Variants in LEPR observed in about 807,000 individuals in gnomAD.
The protein encoded by LEPR is OB receptor.
LEPR carries 56 observed loss-of-function variants against 114.7 expected under a neutral mutation model. That is an observed-to-expected ratio of 0.49 (90% CI 0.39 to 0.61). The LOEUF is 0.61. Among genes scored for constraint, LEPR ranks in the 20% least tolerant of loss-of-function variants. The probability of loss-of-function intolerance (pLI) is 0.00; values close to 1 mark genes in which losing one functional copy is unlikely to be tolerated. For missense variants in LEPR, 1,202 were observed against 1,352.9 expected (o/e 0.89, Z 1.75); for synonymous variants, 443 against 461.4 (o/e 0.96, Z 0.51).
At chr1:65,620,560 A>T (rs1308326530) in intron 17 of LEPR, among the ~76,000 whole-genome samples, 1 of 152,178 alleles carries the variant, frequency 6.6e-6, no homozygotes, top group East Asian at 1.9e-4. Flanking sequence ...AAGGAAAACA[A>T]AAGCAAGATA....
chr1:65,609,827 A>C (rs1034584550), intron 12 of LEPR, 120 bp from the exon 13 acceptor site: 9 of 1,370,982 alleles, frequency 6.6e-6, no homozygotes, highest in East Asian at 2.3e-5. Flanking sequence ...GGCAGAGAAC[A>C]CAGAATCAGT....
rs71058410 is a variant in LEPR at position 65,488,159 on chromosome 1, CCTTTCTTT to C, written c.-21+62828_-21+62835del. Among the ~76,000 whole-genome samples the C allele has an allele frequency of 5.2e-3, 340 of 65,472 alleles. 5 individuals are homozygous for C. Among genetic ancestry groups the C allele is most frequent in the Non-Finnish European group, 6.7e-3 (251 of 37,628 alleles). The allele number at this position is 65,472 out of a possible 152,430, so 43.0% of individuals were successfully genotyped here. On this transcript the variant is annotated intron_variant, in intron 2 of 19. Coordinates refer to ENST00000349533, the MANE Select transcript of LEPR (RefSeq NM_002303.6). ...CCTCCCTCTCCTTCCTTCCTTCCTT[CCTTTCTTT>C]CTTTCTTTCTTTCTTTCTTTCTTTC...
At chr1:65,538,282 G>A (rs1371585520) in intron 2 of LEPR, among the ~76,000 whole-genome samples, 2 of 150,996 alleles carry the variant, frequency 1.3e-5, no homozygotes, top group Non-Finnish European at 2.9e-5. Flanking sequence ...TTTTTTTCTG[G>A]CTTCAGGATT....
intron 2 of LEPR, among the ~76,000 whole-genome samples, chr1:65,460,146 A>T (rs917185460): frequency 1.3e-5 from 2 of 152,132 alleles, no homozygotes; most frequent in Non-Finnish European, 2.9e-5. Flanking sequence ...CAGCAATAAG[A>T]AGAGTACCCG....
At chr1:65,501,807 GAGGATA>G (rs1648467629) in intron 2 of LEPR, among the ~76,000 whole-genome samples, 1 of 152,076 alleles carries the variant, frequency 6.6e-6, no homozygotes, top group Admixed American at 6.6e-5. Context: ...AGGGTCCAAG[GAGGATA>G]TTCGAGATAC....
At chr1:65,466,180 T>C (rs1278217407) in intron 2 of LEPR, among the ~76,000 whole-genome samples, 2 of 152,214 alleles carry the variant, frequency 1.3e-5, no homozygotes, top group African/African-American at 2.4e-5. Context: ...TTCCATTCCA[T>C]GTTTAGTGCT....
In LEPR at chr1:65,524,954, G is replaced by A. The variant is rs1649825537; in HGVS notation, c.-20-40592G>A. Among the ~76,000 whole-genome samples, 3 of 152,290 alleles carry A rather than the reference G, an allele frequency of 2.0e-5. No homozygotes were observed. In the South Asian group the frequency reaches 6.2e-4, roughly 32 times the overall value. ...CCGGAAAATGTCTATTTACTTTGGA[G>A]TTGGAATCAGACTGTTCAAGAGTAC... On this transcript the variant is annotated intron_variant, in intron 2 of 19. Transcript: ENST00000349533.
chr1:65,491,063 T>C (rs531669848), intron 2 of LEPR, among the ~76,000 whole-genome samples: 2 of 152,220 alleles, frequency 1.3e-5, no homozygotes, highest in East Asian at 1.9e-4. Context: ...GATTGGATCT[T>C]GAACACAAGA....
At chr1:65,593,829 A>G (rs1655867575) in intron 6 of LEPR, among the ~76,000 whole-genome samples, 1 of 151,834 alleles carries the variant, frequency 6.6e-6, no homozygotes, top group South Asian at 2.1e-4. Context: ...GTTATACCAT[A>G]GAGAAAAAAG....
intron 2 of LEPR, among the ~76,000 whole-genome samples, chr1:65,460,053 T>C (rs1416090962): frequency 6.9e-6 from 1 of 145,642 alleles, no homozygotes; most frequent in Non-Finnish European, 1.5e-5. Context: ...ATCACTAAAT[T>C]ATCCTTTTTT....
rs567180384 is a variant in LEPR at position 65,633,248 on chromosome 1, T to G, written c.2674-2943T>G. 1,058 of 1,576,432 alleles carry G rather than the reference T, an allele frequency of 6.7e-4. 1 individual carries two copies. The highest frequency in any genetic ancestry group is 8.7e-4 in the Non-Finnish European group (1,018 of 1,165,248). ...TATAGAGTATTAGAAGATTTTTACA[T>G]TTTGAAGAAGGGGAGCAAATCTAAA... On this transcript the variant is annotated intron_variant, in intron 19 of 19. Coordinates refer to ENST00000349533, the MANE Select transcript of LEPR (RefSeq NM_002303.6). This position sits in a 1 kb window ranked among gnomAD's most constrained non-coding sequence, Gnocchi z 4.1.
chr1:65,490,298 G>A (rs556248146), intron 2 of LEPR, among the ~76,000 whole-genome samples: 1 of 152,196 alleles, frequency 6.6e-6, no homozygotes, highest in South Asian at 2.1e-4. Context: ...AGAAGGAAGG[G>A]AAGTGTTTTA....
At chr1:65,498,122 T>C (rs1648256642) in intron 2 of LEPR, among the ~76,000 whole-genome samples, 1 of 152,156 alleles carries the variant, frequency 6.6e-6, no homozygotes, top group Non-Finnish European at 1.5e-5. Flanking sequence ...AATTTACTTT[T>C]TGATGAGTTC....
At chr1:65,565,495 T>C in intron 2 of LEPR, 51 bp from the exon 3 acceptor site, 1 of 1,564,994 alleles carries the variant, frequency 6.4e-7, no homozygotes, top group Non-Finnish European at 8.8e-7. Flanking sequence ...AACTTATATA[T>C]ATGTGTTTTT....
chr1:65,532,211 C>T (rs1424547422), intron 2 of LEPR, among the ~76,000 whole-genome samples: 2 of 152,122 alleles, frequency 1.3e-5, no homozygotes, highest in East Asian at 1.9e-4. Flanking sequence ...TGCAAAGTCT[C>T]CTATGGACTA....
At chr1:65,507,550 T>TATAC (rs1553159580) in intron 2 of LEPR, among the ~76,000 whole-genome samples, 46 of 146,876 alleles carry the variant, frequency 3.1e-4, no homozygotes, top group African/African-American at 6.5e-4. Context: ...TATATATATA[T>TATAC]ACACACACAC....
At position 65,603,214 on chromosome 1, in the gene LEPR, T is replaced by C. The variant is rs568206230; in HGVS notation, c.1403+1254T>C. 1.1e-3 allele frequency among the ~76,000 whole-genome samples: 163 copies of C among 152,190 alleles called. 1 individual carries two copies. The highest frequency in any genetic ancestry group is 3.6e-3 in the African/African-American group (148 of 41,512). ...CTCCTTGTAAATATTCAATATATGGTTTTTGCTGTCATGATAATGATGCCA... is the reference window on the plus strand; with the variant it reads ...CTCCTTGTAAATATTCAATATATGGCTTTTGCTGTCATGATAATGATGCCA... On this transcript the variant is annotated intron_variant, in intron 10 of 19. Coordinates refer to ENST00000349533, the MANE Select transcript of LEPR (RefSeq NM_002303.6).
intron 3 of LEPR, among the ~76,000 whole-genome samples, chr1:65,567,890 G>C (rs1296867074): frequency 6.8e-6 from 1 of 146,558 alleles, no homozygotes. Flanking sequence ...TGTCACAATT[G>C]ATGAACCCAT....
chr1:65,445,014 A>G (rs534592379), intron 2 of LEPR, among the ~76,000 whole-genome samples: 6 of 152,292 alleles, frequency 3.9e-5, no homozygotes, highest in Admixed American at 1.3e-4. Flanking sequence ...ACAGATGCCA[A>G]TCTAAATGGG....
Sources: gnomAD v4.1 joint callset for allele counts (sites outside exome capture counted in the v4.1 genomes callset) on GRCh38, gnomAD v4.1.1 for gene constraint, Gnocchi (gnomAD v3.1) non-coding constraint, MANE v1.5 for transcripts, NCBI Gene and HGNC (gene_info 2026-07-23, HGNC 2026-07-21) for gene names.